XRCC1: variants seen among roughly 807,000 people sequenced by gnomAD.
The protein encoded by XRCC1 is X-ray repair cross complementing 1.
A neutral mutation model predicts 83.3 loss-of-function variants in XRCC1; 52 were observed. The ratio of observed to expected loss-of-function variants is 0.62; its 90% CI spans 0.50 to 0.79. The LOEUF (loss-of-function observed/expected upper bound fraction) is 0.79. XRCC1 is among the 30% of genes least tolerant of loss of function. The probability of loss-of-function intolerance (pLI) is 0.00; values close to 1 mark genes in which losing one functional copy is unlikely to be tolerated. For synonymous variants in XRCC1, 281 were observed against 312.6 expected, an observed-to-expected ratio of 0.90 and a Z score of 1.07; for missense variants, 793 against 823.5, an observed-to-expected ratio of 0.96 and a Z score of 0.45.
intron 11 of XRCC1, 61 bp downstream of exon 11, chr19:43,546,823 C>T: frequency 6.2e-7 from 1 of 1,600,550 alleles, no homozygotes; most frequent in Non-Finnish European, 8.5e-7. Context: ...TTTGGGGTGC[C>T]ACAGCGGACT....
intron 10 of XRCC1, 138 bp downstream of exon 10, chr19:43,551,433 C>G: frequency 2.7e-6 from 2 of 735,804 alleles, no homozygotes; most frequent in Non-Finnish European, 4.6e-6. Context: ...GCCCCTGCCC[C>G]GCTCCTCTCA....
In XRCC1 at chr19:43,546,034, C is replaced by G; in HGVS notation, c.1481+18G>C. The G allele has an allele frequency of 6.2e-7, 1 of 1,602,246 alleles. No homozygotes were observed. Among genetic ancestry groups the G allele is most frequent in the Non-Finnish European group, 8.6e-7 (1 of 1,169,584 alleles). On this transcript the variant is annotated intron_variant, in intron 13 of 16. Transcript: ENST00000262887. ...CACCCAAGGCCAGGGACACCCCAAC[C>G]CCCAGCCCCAGCCCTACCTCCTCAG...
chr19:43,548,058 G>GCCCGGCCAGCCA (rs1568511961), intron 10 of XRCC1, among the ~76,000 whole-genome samples: 4 of 19,582 alleles, frequency 2.0e-4, no homozygotes, highest in African/African-American at 1.5e-3. Context: ...GGGGCCAGCC[G>GCCCGGCCAGCCA]CCCCGTCGGG....
At chr19:43,549,434 A>AT (rs1273794555) in intron 10 of XRCC1, among the ~76,000 whole-genome samples, 1 of 151,786 alleles carries the variant, frequency 6.6e-6, no homozygotes, top group Non-Finnish European at 1.5e-5. Context: ...TAATTTTTGT[A>AT]TTTTTTGGTA....
rs2307172 is a variant in XRCC1 at position 43,543,364 on chromosome 19, G to C, written c.*28C>G. ...ATCGTGTGTGTGTGTGTGTGTGTGTGTGTGTGTGTGTGTGTATAGCACATA... is the reference window on the plus strand; with the variant it reads ...ATCGTGTGTGTGTGTGTGTGTGTGTCTGTGTGTGTGTGTGTATAGCACATA... On this transcript the variant is annotated 3_prime_UTR_variant, in exon 17 of 17. Coordinates refer to ENST00000262887, the MANE Select transcript of XRCC1 (RefSeq NM_006297.3). 4.7e-5 allele frequency: 66 copies of C among 1,405,642 alleles called. No homozygotes were observed. In the African/African-American group the frequency reaches 7.8e-4, roughly 17 times the overall value. 87.1% of individuals were successfully genotyped at this position (1,405,642 alleles called of 1,614,324 possible).
chr19:43,558,083 T>C (rs1404258326), intron 3 of XRCC1, among the ~76,000 whole-genome samples: 1 of 152,222 alleles, frequency 6.6e-6, no homozygotes, highest in Admixed American at 6.5e-5. Context: ...AACCTTGTAG[T>C]TTGTCTAGAT....
chr19:43,564,920 G>A (rs947771785), intron 2 of XRCC1, among the ~76,000 whole-genome samples: 7 of 152,190 alleles, frequency 4.6e-5, no homozygotes, highest in Non-Finnish European at 7.3e-5. Context: ...AGCACTAGAG[G>A]AGAACGTGTC....
At chr19:43,570,621 G>A (rs960343033) in intron 2 of XRCC1, among the ~76,000 whole-genome samples, 3 of 152,076 alleles carry the variant, frequency 2.0e-5, no homozygotes, top group South Asian at 2.1e-4. Context: ...CCATCTCTAC[G>A]AAAAATTTTT....
At chr19:43,565,942 G>A (rs887349769) in intron 2 of XRCC1, among the ~76,000 whole-genome samples, 81 of 150,800 alleles carry the variant, frequency 5.4e-4, no homozygotes, top group African/African-American at 1.8e-3. Context: ...TGTCTCAAGA[G>A]AGAAAACAAC....
chr19:43,551,618 C>A lies in XRCC1; in HGVS notation c.1152G>T (p.Glu384Asp). 8 of 1,614,232 alleles carry A rather than the reference C, an allele frequency of 5.0e-6. No individual in the cohort carries two copies. The highest frequency in any genetic ancestry group is 6.8e-6 in the Non-Finnish European group (8 of 1,180,044). ...GCATGCGGTGACAGTCCAGCACCCACTCCTTACGCACGATGCGGCCTCCCA... is the reference window on the plus strand; with the variant it reads ...GCATGCGGTGACAGTCCAGCACCCAATCCTTACGCACGATGCGGCCTCCCA... ...LGLGGRIVRK[E>D]WVLDCHRMRR... Residue 384 changes from glutamate (E) to aspartate (D), a missense_variant, in exon 10 of 17, where the codon GAG becomes GAT. Transcript: ENST00000262887.
intron 2 of XRCC1, among the ~76,000 whole-genome samples, chr19:43,563,446 T>C (rs1600056521): frequency 1.3e-5 from 2 of 152,118 alleles, no homozygotes; most frequent in African/African-American, 2.4e-5. Flanking sequence ...TGAGCCGAGA[T>C]TGTGCCACTG....
intron 3 of XRCC1, among the ~76,000 whole-genome samples, chr19:43,558,330 G>A (rs1166209608): frequency 1.1e-5 from 1 of 87,386 alleles, no homozygotes; most frequent in Non-Finnish European, 2.2e-5. Context: ...GTGAGACCTC[G>A]TTTCAAAAAA....
chr19:43,553,453 G>T lies in XRCC1; in HGVS notation c.549C>A (p.Asn183Lys), dbSNP rs1416970032. Residue 183 changes from asparagine (N) to lysine (K), a missense_variant, in exon 6 of 17, where the codon AAC (asparagine) becomes AAA (lysine). By Grantham distance (94) the Asn-to-Lys change is moderately conservative. Coordinates refer to ENST00000262887, the MANE Select transcript of XRCC1 (RefSeq NM_006297.3). Reference sequence around the variant, plus strand: ...AGAAGAGAGCCCCCGGCCTCAGAGAGTTGGCGCTCTCATCCTCCTCCTTCA... The same window carrying T: ...AGAAGAGAGCCCCCGGCCTCAGAGATTTGGCGCTCTCATCCTCCTCCTTCA... Reference protein sequence around the residue: ...FRVKEEDESANSLRPGALFFS... With the variant: ...FRVKEEDESAKSLRPGALFFS... 3 of 1,614,188 alleles carry T rather than the reference G, an allele frequency of 1.9e-6. No individual in the cohort carries two copies. The highest frequency in any genetic ancestry group is 1.3e-5 in the African/African-American group (1 of 75,028).
intron 4 of XRCC1, 43 bp downstream of exon 4, chr19:43,554,603 C>T: frequency 6.4e-7 from 1 of 1,567,974 alleles, no homozygotes; most frequent in Non-Finnish European, 8.7e-7. Flanking sequence ...TCCCTCCTTG[C>T]CCAGGACCAA....
chr19:43,543,694 G>A lies in XRCC1; in HGVS notation c.1713-7C>T, dbSNP rs1391482926. On this transcript the variant is annotated splice_region_variant and splice_polypyrimidine_tract_variant and intron_variant, in intron 15 of 16. Transcript: ENST00000262887. ...CATATAGTCCTCGAGCTCCCTGGCG[G>A]GAGAGAAGAAAAGAGGTAGAAGGCA... The A allele has an allele frequency of 5.0e-6, 8 of 1,613,736 alleles. No individual in the cohort carries two copies. Among genetic ancestry groups the A allele is most frequent in the Middle Eastern group, 1.6e-4 (1 of 6,082 alleles).
intron 2 of XRCC1, 51 bp from the exon 3 acceptor site, chr19:43,561,071 C>A (rs1420003000): frequency 1.4e-6 from 2 of 1,406,366 alleles, no homozygotes; most frequent in South Asian, 2.3e-5. Context: ...CCTCTGGGCT[C>A]ACTGTGGGAC....
At chr19:43,574,802 G>A in intron 2 of XRCC1, 108 bp downstream of exon 2, 1 of 854,530 alleles carries the variant, frequency 1.2e-6, no homozygotes, top group Non-Finnish European at 1.9e-6. Flanking sequence ...AGGAAGCTGA[G>A]GCCCAGCAAA....
intron 3 of XRCC1, chr19:43,555,586 C>G (rs548629671): frequency 2.0e-5 from 3 of 152,208 alleles, no homozygotes; most frequent in Admixed American, 6.6e-5. Flanking sequence ...CCTCCTCAAA[C>G]GATCTGAATT....
intron 3 of XRCC1, among the ~76,000 whole-genome samples, chr19:43,560,675 T>C (rs945390036): frequency 7.2e-5 from 11 of 152,202 alleles, no homozygotes; most frequent in African/African-American, 2.7e-4. Flanking sequence ...AGTCGAATAA[T>C]ACATTTGTGT....
Sources: allele counts gnomAD v4.1 joint callset (sites outside exome capture counted in the v4.1 genomes callset), GRCh38; gene constraint gnomAD v4.1.1; transcripts MANE v1.5; gene names NCBI Gene and HGNC (gene_info 2026-07-23, HGNC 2026-07-21).